The following MAP2K4 variants were observed in gnomAD, a reference collection of about 807,000 sequenced individuals.
MAP2K4 encodes the protein mitogen-activated protein kinase kinase 4, also known as dual specificity mitogen-activated protein kinase kinase 4.
In MAP2K4, 4 loss-of-function variants were observed where a neutral mutation model predicts 48.5. The ratio of observed to expected loss-of-function variants is 0.08; its 90% CI spans 0.04 to 0.19. The LOEUF is 0.19. MAP2K4 is among the 10% of genes least tolerant of loss of function. MAP2K4 has a pLI of 1.00. For synonymous variants in MAP2K4, 166 were observed against 173.1 expected (o/e 0.96, Z 0.32); for missense variants, 258 against 493.3 (o/e 0.52, Z 4.52).
intron 1 of MAP2K4, among the ~76,000 whole-genome samples, chr17:12,043,095 A>G (rs1969845668): frequency 1.3e-5 from 2 of 152,110 alleles, no homozygotes; most frequent in Admixed American, 1.3e-4. Flanking sequence ...TAGGTATTTG[A>G]AGGACATCTG....
chr17:12,073,689 A>G lies in MAP2K4; in HGVS notation c.219-7667A>G, dbSNP rs567406573. ...AGCGTATAATTTGCTAGGTTTTGACATATGTGTACATCTGTGATGCCATCA... is the reference window on the plus strand; with the variant it reads ...AGCGTATAATTTGCTAGGTTTTGACGTATGTGTACATCTGTGATGCCATCA... On this transcript the variant is annotated intron_variant, in intron 2 of 10. Transcript: ENST00000353533. Among the ~76,000 whole-genome samples, 22 of 152,256 alleles carry G rather than the reference A, an allele frequency of 1.4e-4. No individual in the cohort carries two copies. In the South Asian group the frequency reaches 4.3e-3, roughly 30 times the overall value.
chr17:12,095,528 G>T (rs2151561494), intron 3 of MAP2K4, 47 bp from the exon 4 acceptor site: 1 of 1,609,732 alleles, frequency 6.2e-7, no homozygotes, highest in South Asian at 1.1e-5. Context: ...TGGTGTTTTT[G>T]ACAAAATTAT....
intron 9 of MAP2K4, among the ~76,000 whole-genome samples, chr17:12,138,276 AC>A (rs1261268011): frequency 2.6e-5 from 4 of 151,194 alleles, no homozygotes; most frequent in African/African-American, 4.9e-5. Flanking sequence ...TCCGCATATA[AC>A]TTTTGATTAC....
intron 8 of MAP2K4, among the ~76,000 whole-genome samples, chr17:12,126,327 ATGGACTGT>A (rs1376317481): frequency 6.6e-6 from 1 of 152,206 alleles, no homozygotes; most frequent in Non-Finnish European, 1.5e-5. Context: ...TTTCTTACCT[ATGGACTGT>A]ATTGAAATTT....
chr17:12,067,423 G>A (rs1468642980), intron 2 of MAP2K4, among the ~76,000 whole-genome samples: 11 of 151,898 alleles, frequency 7.2e-5, no homozygotes, highest in Admixed American at 1.3e-4. Context: ...GGAGGCCGTC[G>A]TCCTGTGCGT....
chr17:12,070,761 A>C (rs779056532), intron 2 of MAP2K4, among the ~76,000 whole-genome samples: 2 of 152,210 alleles, frequency 1.3e-5, no homozygotes. Context: ...GCATAGTTGC[A>C]GGAGACTAGT....
At chr17:12,087,559 A>G (rs1971411308) in intron 3 of MAP2K4, among the ~76,000 whole-genome samples, 1 of 152,124 alleles carries the variant, frequency 6.6e-6, no homozygotes, top group Non-Finnish European at 1.5e-5. Context: ...AGCAGAAGGT[A>G]AGGTAAAAGG....
At chr17:12,039,528 T>G (rs1969710088) in intron 1 of MAP2K4, among the ~76,000 whole-genome samples, 1 of 152,196 alleles carries the variant, frequency 6.6e-6, no homozygotes, top group African/African-American at 2.4e-5. Context: ...CTGAAATACT[T>G]TAAAGCAAAT....
At chr17:12,112,023 C>G (rs1168628219) in intron 6 of MAP2K4, among the ~76,000 whole-genome samples, 1 of 152,170 alleles carries the variant, frequency 6.6e-6, no homozygotes, top group Non-Finnish European at 1.5e-5. Flanking sequence ...TTGGCTCATT[C>G]ACCAGAAGTG....
At chr17:12,037,032 T>C (rs1969623924) in intron 1 of MAP2K4, among the ~76,000 whole-genome samples, 1 of 152,164 alleles carries the variant, frequency 6.6e-6, no homozygotes, top group Admixed American at 6.5e-5. Context: ...AACTTTGTGC[T>C]TTTAAAAAAT....
intron 1 of MAP2K4, among the ~76,000 whole-genome samples, chr17:12,035,091 C>T (rs889978087): frequency 2.0e-5 from 3 of 152,216 alleles, no homozygotes; most frequent in Admixed American, 1.3e-4. Context: ...AGCACTTCTT[C>T]TAAATCTGGT....
intron 7 of MAP2K4, chr17:12,125,068 A>G: frequency 2.0e-6 from 1 of 490,922 alleles, no homozygotes. Flanking sequence ...TTTGAGGGGA[A>G]TAGTTAAATG....
At chr17:12,054,854 C>T in intron 1 of MAP2K4, 35 bp from the exon 2 acceptor site, 1 of 1,424,138 alleles carries the variant, frequency 7.0e-7, no homozygotes, top group Non-Finnish European at 9.9e-7. Flanking sequence ...TTTTGTAGTA[C>T]TTGAAACTTT....
chr17:12,025,805 C>T (rs1462570035), intron 1 of MAP2K4, among the ~76,000 whole-genome samples: 1 of 152,096 alleles, frequency 6.6e-6, no homozygotes, highest in Non-Finnish European at 1.5e-5. Flanking sequence ...TTATTTCTCC[C>T]AAAAATATTT....
chr17:12,074,881 G>A (rs748666177), intron 2 of MAP2K4, among the ~76,000 whole-genome samples: 2 of 152,190 alleles, frequency 1.3e-5, no homozygotes, highest in Non-Finnish European at 2.9e-5. Flanking sequence ...CGGTCTTTCA[G>A]TGTCTGCTGC....
chr17:12,128,964 A>C (rs1294711200), intron 8 of MAP2K4, among the ~76,000 whole-genome samples, 175 bp from the exon 9 acceptor site: 1 of 152,222 alleles, frequency 6.6e-6, no homozygotes. Flanking sequence ...TGATTTCTAA[A>C]TATAACTTCT....
At chr17:12,140,372 A>G (rs1445391934) in intron 10 of MAP2K4, among the ~76,000 whole-genome samples, 1 of 152,162 alleles carries the variant, frequency 6.6e-6, no homozygotes, top group Non-Finnish European at 1.5e-5. Flanking sequence ...GTTGTGATCT[A>G]ATAATGTGGG....
In MAP2K4 at chr17:12,034,634, G is replaced by T. The variant is rs142391797; in HGVS notation, c.115+13633G>T. ...GAAATGAATGGAATAGGCCCCTGCC[G>T]TTAGCAAGCTCATAGTTTAGTGGAC... On this transcript the variant is annotated intron_variant, in intron 1 of 10. Transcript: ENST00000353533. 2.0e-3 allele frequency among the ~76,000 whole-genome samples: 305 copies of T among 152,330 alleles called. 1 individual carries two copies. The highest frequency in any genetic ancestry group is 7.1e-3 in the African/African-American group (297 of 41,582).
chr17:12,120,188 C>T (rs1221888449), intron 7 of MAP2K4, among the ~76,000 whole-genome samples: 4 of 152,264 alleles, frequency 2.6e-5, no homozygotes, highest in East Asian at 1.9e-4. Context: ...AGGCCGGGCG[C>T]GGTGGCACAT....
Sources: gnomAD v4.1 joint callset for allele counts (sites outside exome capture counted in the v4.1 genomes callset) on GRCh38, gnomAD v4.1.1 for gene constraint, MANE v1.5 for transcripts, NCBI Gene and HGNC (gene_info 2026-07-23, HGNC 2026-07-21) for gene names.